NFX1: variants seen among roughly 807,000 people sequenced by gnomAD.
The protein encoded by NFX1 is nuclear transcription factor, X-box binding 1.
NFX1 carries 69 observed loss-of-function variants against 137.2 expected under a neutral mutation model. The observed-to-expected ratio is 0.50, with a 90% confidence interval of 0.41 to 0.61. NFX1 has a LOEUF of 0.61. NFX1 is among the 20% of genes least tolerant of loss of function. The pLI is 0.00. For missense variants in NFX1, 1,167 were observed against 1,391.0 expected (o/e 0.84, Z 2.56); for synonymous variants, 495 against 474.1 (o/e 1.04, Z -0.57).
Position 33,357,159 on chromosome 9 carries a change from G to A in NFX1, c.2873+2267G>A, listed in dbSNP as rs928166678. Reference sequence around the variant, plus strand: ...CTACTAAAAATACAAAAAATTAGCCGGGCATGGTGGCGGGCACTTGTAGTC... The same window carrying A: ...CTACTAAAAATACAAAAAATTAGCCAGGCATGGTGGCGGGCACTTGTAGTC... On this transcript the variant is annotated intron_variant, in intron 19 of 23. Transcript: ENST00000379540. 2.6e-4 allele frequency among the ~76,000 whole-genome samples: 39 copies of A among 151,852 alleles called. No homozygotes were observed. In the East Asian group the frequency reaches 5.8e-3, roughly 23 times the overall value.
chr9:33,367,582 C>T lies in NFX1; in HGVS notation c.3253C>T (p.Pro1085Ser), dbSNP rs758448189. 16 of 1,613,908 alleles carry T rather than the reference C, an allele frequency of 9.9e-6. No homozygotes were observed. Among genetic ancestry groups the T allele is most frequent in the Non-Finnish European group, 1.4e-5 (16 of 1,179,848 alleles). The change falls in exon 23 of 24, where the codon CCA becomes TCA. Residue 1085 changes from proline to serine, a missense_variant. By Grantham distance (74) the Pro-to-Ser change is moderately conservative. Coordinates refer to ENST00000379540, the MANE Select transcript of NFX1 (RefSeq NM_002504.6). ...VLEREMQARP[P>S]PPIPHHRHQS... ...TGAAAGGGAAATGCAGGCACGGCCTCCACCACCGATTCCTCATCACAGACA... is the reference window on the plus strand; with the variant it reads ...TGAAAGGGAAATGCAGGCACGGCCTTCACCACCGATTCCTCATCACAGACA...
At chr9:33,355,356 C>G (rs564991694) in intron 19 of NFX1, among the ~76,000 whole-genome samples, 4 of 152,092 alleles carry the variant, frequency 2.6e-5, no homozygotes, top group Non-Finnish European at 5.9e-5. Flanking sequence ...TTACCAGAAC[C>G]GTCTCTTGTA....
At chr9:33,311,056 G>A (rs757445040) in intron 5 of NFX1, 50 bp from the exon 6 acceptor site, 41 of 1,568,602 alleles carry the variant, frequency 2.6e-5, no homozygotes, top group South Asian at 1.1e-4. Context: ...AGCTTTGTTC[G>A]GGTTTGGATA....
At chr9:33,303,964 C>T (rs1169204557) in intron 4 of NFX1, among the ~76,000 whole-genome samples, 2 of 152,268 alleles carry the variant, frequency 1.3e-5, no homozygotes, top group African/African-American at 4.8e-5. Flanking sequence ...TCACTGAAAC[C>T]GTATTCAGAA....
chr9:33,364,883 A>T, intron 21 of NFX1, 109 bp downstream of exon 21: 1 of 1,523,908 alleles, frequency 6.6e-7, no homozygotes, highest in Non-Finnish European at 8.8e-7. Flanking sequence ...TGTAGGAAAA[A>T]GTCACAACTT....
At chr9:33,358,647 A>ATTTTTTTTTTTTTT (rs61589629) in intron 19 of NFX1, among the ~76,000 whole-genome samples, 1 of 48,430 alleles carries the variant, frequency 2.1e-5, no homozygotes, top group Non-Finnish European at 3.5e-5. Flanking sequence ...GAATGGCTTG[A>ATTTTTTTTTTTTTT]TTTTTTTTTT....
intron 19 of NFX1, among the ~76,000 whole-genome samples, chr9:33,356,063 A>G (rs1032464298): frequency 6.6e-6 from 1 of 152,226 alleles, no homozygotes; most frequent in East Asian, 1.9e-4. Context: ...GATTCTGCCC[A>G]TGTCCAAAGT....
chr9:33,334,018 C>G (rs589212), intron 11 of NFX1, among the ~76,000 whole-genome samples: 122,692 of 151,808 alleles, frequency 0.81, 49,817 homozygotes, highest in Non-Finnish European at 0.84. Context: ...AGTGGCGCAC[C>G]CCTGTAATCC....
intron 19 of NFX1, 58 bp downstream of exon 19, chr9:33,354,950 G>A: frequency 2.6e-6 from 4 of 1,545,396 alleles, no homozygotes; most frequent in Non-Finnish European, 3.6e-6. Flanking sequence ...TGAAATTAAT[G>A]GGAGGGAGCA....
intron 1 of NFX1, among the ~76,000 whole-genome samples, chr9:33,293,372 CTG>C (rs1172214673): frequency 3.3e-5 from 5 of 152,204 alleles, no homozygotes; most frequent in Non-Finnish European, 7.3e-5. Context: ...ATGCTCAAGC[CTG>C]TGTGTTTCAG....
chr9:33,335,047 T>C (rs1822946221), intron 11 of NFX1, among the ~76,000 whole-genome samples: 1 of 152,204 alleles, frequency 6.6e-6, no homozygotes, highest in African/African-American at 2.4e-5. Context: ...AAATCTCAAA[T>C]ATCATTTCAC....
intron 12 of NFX1, among the ~76,000 whole-genome samples, chr9:33,341,709 T>C (rs1179275605): frequency 1.3e-5 from 2 of 152,180 alleles, no homozygotes; most frequent in Non-Finnish European, 2.9e-5. Context: ...GGGTGGATCT[T>C]GCTTGATCCA....
At chr9:33,307,562 T>G (rs75512284) in intron 5 of NFX1, among the ~76,000 whole-genome samples, 8,478 of 152,278 alleles carry the variant, frequency 0.056, 259 homozygotes, top group East Asian at 0.095. Context: ...AGCATCACAG[T>G]GGCAGGGCGT....
At chr9:33,361,727 C>T (rs1757659937) in intron 19 of NFX1, among the ~76,000 whole-genome samples, 1 of 152,022 alleles carries the variant, frequency 6.6e-6, no homozygotes, top group African/African-American at 2.4e-5. Context: ...GAACCGAGAT[C>T]ATGCTATTGT....
chr9:33,332,772 G>T, intron 11 of NFX1: 1 of 353,346 alleles, frequency 2.8e-6, no homozygotes, highest in Non-Finnish European at 5.2e-6. Flanking sequence ...GAATGGATAT[G>T]TATATGAAAA....
Position 33,342,797 on chromosome 9 carries a change from C to A in NFX1, c.2167C>A (p.Leu723Ile). 6.2e-7 allele frequency: 1 copy of A among 1,613,878 alleles called. No individual in the cohort carries two copies. The highest frequency in any genetic ancestry group is 8.5e-7 in the Non-Finnish European group (1 of 1,179,936). Residue 723 changes from leucine (L) to isoleucine (I), a missense_variant, in exon 13 of 24, where the codon CTT becomes ATT. Leu to Ile is a conservative substitution (Grantham distance 5, BLOSUM62 2). Coordinates refer to ENST00000379540, the MANE Select transcript of NFX1 (RefSeq NM_002504.6). The part of the protein sequence containing the change: ...LICGRKLRCG[L>I]HRCEEPCHRG... ...TTGTGGGAGGAAACTCCGTTGTGGC[C>A]TTCATAGGTGTGAAGAACCTTGTCA...
At chr9:33,311,429 C>A (rs1282303684) in intron 6 of NFX1, among the ~76,000 whole-genome samples, 1 of 152,126 alleles carries the variant, frequency 6.6e-6, no homozygotes, top group Admixed American at 6.5e-5. Context: ...TAGTACTTTT[C>A]TGTAACTAGT....
chr9:33,347,044 A>T lies in NFX1; in HGVS notation c.2351A>T (p.His784Leu). 1 of 1,612,650 alleles carries T rather than the reference A, an allele frequency of 6.2e-7. No homozygotes were observed. Among genetic ancestry groups the T allele is most frequent in the Non-Finnish European group, 8.5e-7 (1 of 1,178,792 alleles). Residue 784 changes from histidine to leucine, a missense_variant, in exon 15 of 24, where the codon CAT (histidine) becomes CTT (leucine). Coordinates refer to ENST00000379540, the MANE Select transcript of NFX1 (RefSeq NM_002504.6). The stretch of plus-strand genomic sequence containing the variant: ...TACCTTTCTCTTTCTGCAGTATATC[A>T]TTCTTGTCATAGTGAGGAGAAGTGT... ...RVHECDHPVYHSCHSEEKCPP... is the reference protein window; with the variant it reads ...RVHECDHPVYLSCHSEEKCPP...
chr9:33,319,406 G>A (rs917623422), intron 9 of NFX1, among the ~76,000 whole-genome samples: 6 of 152,152 alleles, frequency 3.9e-5, no homozygotes, highest in African/African-American at 1.4e-4. Context: ...TCTCTTAGGA[G>A]CCTGTACTGT....
Sources: gnomAD v4.1 joint callset for allele counts (sites outside exome capture counted in the v4.1 genomes callset) on GRCh38, gnomAD v4.1.1 for gene constraint, MANE v1.5 for transcripts, NCBI Gene and HGNC (gene_info 2026-07-23, HGNC 2026-07-21) for gene names.